Variants in MRPL58 observed in about 807,000 individuals in gnomAD.
The protein encoded by MRPL58 is large ribosomal subunit protein mL62.
Under a neutral mutation model 26.0 loss-of-function variants are expected in MRPL58, and 17 were observed. That is an observed-to-expected ratio of 0.65 (90% CI 0.45 to 0.98). The LOEUF (loss-of-function observed/expected upper bound fraction) is 0.98. MRPL58 is among the 50% of genes least tolerant of loss of function. The pLI, the probability that MRPL58 is intolerant of heterozygous loss-of-function variation, is 0.00. For missense variants in MRPL58, 250 were observed against 269.0 expected (o/e 0.93, Z 0.49); for synonymous variants, 100 against 99.7 (o/e 1.00, Z -0.02).
chr17:75,012,724 G>C lies in MRPL58; in HGVS notation c.38G>C (p.Arg13Pro). 3 of 1,577,340 alleles carry C rather than the reference G, an allele frequency of 1.9e-6. No individual in the cohort carries two copies. Among genetic ancestry groups the C allele is most frequent in the Non-Finnish European group, 2.6e-6 (3 of 1,163,858 alleles). The stretch of plus-strand genomic sequence containing the variant: ...AGGTGCCTGCGCTGGGGCCTGAGCC[G>C]AGCCGGAGTCTGGCTGCTCCCACCG... The part of the protein sequence containing the change: ...ATRCLRWGLS[R>P]AGVWLLPPPA... The change falls in exon 1 of 6, where the codon CGA (arginine) becomes CCA (proline). Residue 13 changes from arginine to proline, a missense_variant. Arg to Pro is a moderately radical substitution (Grantham distance 103, BLOSUM62 -2). Coordinates refer to ENST00000301585, the MANE Select transcript of MRPL58 (RefSeq NM_001545.3).
rs754795020 is a variant in MRPL58 at position 75,020,961 on chromosome 17, A to G, written c.577A>G (p.Ile193Val). 6.8e-6 allele frequency: 11 copies of G among 1,613,956 alleles called. No individual in the cohort carries two copies. The East Asian group carries it at 2.2e-4, about 33-fold the overall frequency. ...MNRERLRQKR[I>V]HSAVKTSRRV... is the part of the protein sequence containing the mutation. The stretch of plus-strand genomic sequence containing the variant: ...TCGGGAAAGGCTGAGACAAAAGAGA[A>G]TTCATTCTGCTGTAAAGACAAGCAG... Residue 193 changes from isoleucine (I) to valine (V), a missense_variant, in exon 6 of 6, where the codon ATT becomes GTT. By Grantham distance (29) the Ile-to-Val change is conservative. Transcript: ENST00000301585.
chr17:75,015,055 A>G (rs2039963238), intron 1 of MRPL58, among the ~76,000 whole-genome samples: 1 of 152,204 alleles, frequency 6.6e-6, no homozygotes, highest in African/African-American at 2.4e-5. Context: ...GATTATTAGT[A>G]AGGGAAGTCC....
intron 2 of MRPL58, among the ~76,000 whole-genome samples, chr17:75,018,086 G>A (rs1049132369): frequency 2.0e-5 from 3 of 152,164 alleles, no homozygotes; most frequent in African/African-American, 7.2e-5. Flanking sequence ...CAGTCGCATC[G>A]TACTGTGCCG....
intron 3 of MRPL58, 138 bp downstream of exon 3, chr17:75,019,897 CTT>C: frequency 1.6e-6 from 1 of 644,978 alleles, no homozygotes; most frequent in Non-Finnish European, 2.6e-6. Flanking sequence ...TAATAATCCT[CTT>C]TATTCTTTTG....
intron 5 of MRPL58, 118 bp downstream of exon 5, chr17:75,020,775 A>G: frequency 2.3e-6 from 3 of 1,278,568 alleles, no homozygotes; most frequent in African/African-American, 1.5e-5. Context: ...TAGGAAGAGG[A>G]GAGGATGCTG....
chr17:75,016,142 G>A (rs150250535), intron 1 of MRPL58, among the ~76,000 whole-genome samples: 5,913 of 151,102 alleles, frequency 0.039, 172 homozygotes, highest in African/African-American at 0.084. Context: ...GGTGGCTCAC[G>A]CCTGTAATCT....
At chr17:75,020,083 A>G in intron 3 of MRPL58, 2 of 462,580 alleles carry the variant, frequency 4.3e-6, no homozygotes, top group Non-Finnish European at 7.5e-6. Context: ...TTTTGAACCC[A>G]GTAAAACTGT....
chr17:75,018,214 A>G (rs769994379), intron 2 of MRPL58, among the ~76,000 whole-genome samples: 5 of 150,772 alleles, frequency 3.3e-5, no homozygotes, highest in Non-Finnish European at 7.4e-5. Context: ...TTTTTTACAT[A>G]TCTATATCTC....
chr17:75,012,869 C>A lies in MRPL58; in HGVS notation c.183C>A (p.Val61=), dbSNP rs755923763. ...ESQGSDTAWR[V]PNGAKQADSD... ...AGGGCTCGGACACCGCCTGGAGGGT[C>A]CCGGTGAGCCGGGAAGGACTGGACG... Residue 61 remains valine, a synonymous_variant, in exon 1 of 6, where the codon GTC becomes GTA. Transcript: ENST00000301585. The A allele has an allele frequency of 1.9e-6, 3 of 1,606,260 alleles. No individual in the cohort carries two copies. The highest frequency in any genetic ancestry group is 2.5e-6 in the Non-Finnish European group (3 of 1,177,380).
At chr17:75,019,102 C>G (rs993397996) in intron 2 of MRPL58, among the ~76,000 whole-genome samples, 1 of 150,588 alleles carries the variant, frequency 6.6e-6, no homozygotes, top group East Asian at 1.9e-4. Flanking sequence ...TGGACTCCAG[C>G]CTGGGTGCCA....
At position 75,012,712 on chromosome 17, in the gene MRPL58, G is replaced by T; in HGVS notation, c.26G>T (p.Trp9Leu). The T allele has an allele frequency of 6.4e-7, 1 of 1,567,196 alleles. No individual in the cohort carries two copies. The highest frequency in any genetic ancestry group is 2.4e-5 in the East Asian group (1 of 41,406). Residue 9 changes from tryptophan to leucine, a missense_variant, in exon 1 of 6, where the codon TGG becomes TTG. Physicochemically the swap from Trp to Leu is moderately conservative, Grantham distance 61. Coordinates refer to ENST00000301585, the MANE Select transcript of MRPL58 (RefSeq NM_001545.3). MAATRCLR[W>L]GLSRAGVWLL... ...ATGGCGGCCACCAGGTGCCTGCGCT[G>T]GGGCCTGAGCCGAGCCGGAGTCTGG...
Position 75,020,586 on chromosome 17 carries a change from A to C in MRPL58, c.465A>C (p.Arg155=). The C allele has an allele frequency of 6.2e-7, 1 of 1,614,188 alleles. No individual in the cohort carries two copies. Among genetic ancestry groups the C allele is most frequent in the Non-Finnish European group, 8.5e-7 (1 of 1,180,034 alleles). The change falls in exon 5 of 6, where the codon CGA becomes CGC. Residue 155 remains arginine (R), a synonymous_variant. Coordinates refer to ENST00000301585, the MANE Select transcript of MRPL58 (RefSeq NM_001545.3). Reference sequence around the variant, plus strand: ...TGGCAGATTGCCTGCAGAAAATTCGAGACATGATCACTGAGGCCAGCCAGA... The same window carrying C: ...TGGCAGATTGCCTGCAGAAAATTCGCGACATGATCACTGAGGCCAGCCAGA... The part of the protein sequence containing the change: ...RNLADCLQKI[R]DMITEASQTP...
At chr17:75,019,892 A>C in intron 3 of MRPL58, 133 bp downstream of exon 3, 1 of 641,348 alleles carries the variant, frequency 1.6e-6, no homozygotes, top group Non-Finnish European at 2.7e-6. Flanking sequence ...GCTTATAATA[A>C]TCCTCTTTAT....
intron 2 of MRPL58, among the ~76,000 whole-genome samples, chr17:75,019,402 T>C (rs986663434): frequency 1.3e-5 from 2 of 152,172 alleles, no homozygotes; most frequent in Non-Finnish European, 1.5e-5. Flanking sequence ...GCAATCACCA[T>C]GGCAGAACTG....
At chr17:75,013,075 G>A (rs1266018800) in intron 1 of MRPL58, among the ~76,000 whole-genome samples, 5 of 152,182 alleles carry the variant, frequency 3.3e-5, no homozygotes, top group African/African-American at 9.7e-5. Context: ...CCGGAAGGCC[G>A]GCTGGGTATG....
intron 5 of MRPL58, 101 bp downstream of exon 5, chr17:75,020,758 G>A (rs1439215001): frequency 1.5e-6 from 2 of 1,337,702 alleles, no homozygotes; most frequent in Non-Finnish European, 2.1e-6. Context: ...GGCCTTGGGA[G>A]AAACTCTAGG....
At chr17:75,020,446 C>G in intron 4 of MRPL58, 42 bp from the exon 5 acceptor site, 8 of 1,613,904 alleles carry the variant, frequency 5.0e-6, no homozygotes, top group Non-Finnish European at 6.8e-6. Context: ...GCTTTTAAAC[C>G]TTTACTCTGT....
At position 75,012,801 on chromosome 17, in the gene MRPL58, T is replaced by A. The variant is rs1398174886; in HGVS notation, c.115T>A (p.Phe39Ile). 6.2e-7 allele frequency: 1 copy of A among 1,609,572 alleles called. No homozygotes were observed. The highest frequency in any genetic ancestry group is 1.7e-5 in the Admixed American group (1 of 59,640). Residue 39 changes from phenylalanine (F) to isoleucine (I), a missense_variant, in exon 1 of 6, where the codon TTC (phenylalanine) becomes ATC (isoleucine). Phe to Ile is a conservative substitution (Grantham distance 21). Coordinates refer to ENST00000301585, the MANE Select transcript of MRPL58 (RefSeq NM_001545.3). ...ALHKQKDGTE[F>I]KSIYSLDKLY... ...GCACAAGCAGAAAGACGGCACTGAG[T>A]TCAAGAGCATCTACAGCCTGGACAA...
chr17:75,016,415 C>CA lies in MRPL58; in HGVS notation c.187-653dup, dbSNP rs1175781194. ...TGGGCTACAGAGCGAGACTCCATCT[C>CA]AAAAAAAAAAGAAATGAAGGCAGTC... is the stretch of plus-strand genomic sequence containing the variant. On this transcript the variant is annotated intron_variant, in intron 1 of 5. Coordinates refer to ENST00000301585, the MANE Select transcript of MRPL58 (RefSeq NM_001545.3). Among the ~76,000 whole-genome samples, 142 of 147,062 alleles carry CA rather than the reference C, an allele frequency of 9.7e-4. 1 individual carries two copies. The highest frequency in any genetic ancestry group is 2.7e-3 in the African/African-American group (108 of 40,180).
Sources: allele counts gnomAD v4.1 joint callset (sites outside exome capture counted in the v4.1 genomes callset), GRCh38; gene constraint gnomAD v4.1.1; transcripts MANE v1.5; gene names NCBI Gene and HGNC (gene_info 2026-07-23, HGNC 2026-07-21).